Variants in BNIP5 observed in about 807,000 individuals in gnomAD.
BNIP5 encodes the protein protein BNIP5.
A neutral mutation model predicts 67.3 loss-of-function variants in BNIP5; 61 were observed. The observed-to-expected ratio is 0.91, with a 90% confidence interval of 0.74 to 1.12. The LOEUF (loss-of-function observed/expected upper bound fraction) is 1.12. Ranked by LOEUF, BNIP5 falls within the 50% of genes most tolerant of loss-of-function variation. The pLI is 0.00. For synonymous variants in BNIP5, 317 were observed against 319.0 expected (o/e 0.99, Z 0.07); for missense variants, 826 against 816.3 (o/e 1.01, Z -0.14).
At chr6:36,333,297 G>A (rs1045872566) in intron 1 of BNIP5, among the ~76,000 whole-genome samples, 1 of 152,214 alleles carries the variant, frequency 6.6e-6, no homozygotes, top group Non-Finnish European at 1.5e-5. Flanking sequence ...AGGTCGGGGA[G>A]GAGGCAGGCA....
At position 36,330,143 on chromosome 6, in the gene BNIP5, C is replaced by T. The variant is rs1450837051; in HGVS notation, c.548G>A (p.Gly183Glu). ...QDQEARGREE[G>E]LSKAAAALRS... Reference sequence around the variant, plus strand: ...CAAGGCAGCAGCTGCCTTGGACAACCCTTCCTCTCGGCCTCTGGCCTCCTG... The same window carrying T: ...CAAGGCAGCAGCTGCCTTGGACAACTCTTCCTCTCGGCCTCTGGCCTCCTG... Residue 183 changes from glycine to glutamate, a missense_variant, in exon 2 of 12, where the codon GGG becomes GAG. By Grantham distance (98) the Gly-to-Glu change is moderately conservative (BLOSUM62 -2). Coordinates refer to ENST00000437635, the MANE Select transcript of BNIP5 (RefSeq NM_001010903.5). 6.2e-7 allele frequency: 1 copy of T among 1,613,308 alleles called. No individual in the cohort carries two copies. Among genetic ancestry groups the T allele is most frequent in the East Asian group, 2.2e-5 (1 of 44,878 alleles).
Position 36,325,414 on chromosome 6 carries a change from C to T in BNIP5, c.1037G>A (p.Gly346Asp), listed in dbSNP as rs148840710. The part of the protein sequence containing the change: ...GHRPSISSSY[G>D]LEEPKVQEAP... ...CTCCTGGACTTTAGGTTCTTCCAAG[C>T]CTGAGAAGCAGAAGGAGAACGAGGG... Residue 346 changes from glycine (G) to aspartate (D), a missense_variant and splice_region_variant, in exon 6 of 12, where the codon GGC becomes GAC. Physicochemically the swap from Gly to Asp is moderately conservative, Grantham distance 94. Coordinates refer to ENST00000437635, the MANE Select transcript of BNIP5 (RefSeq NM_001010903.5). 37 of 1,608,472 alleles carry T rather than the reference C, an allele frequency of 2.3e-5. No homozygotes were observed. Among genetic ancestry groups the T allele is most frequent in the Admixed American group, 5.1e-5 (3 of 58,528 alleles).
chr6:36,330,629 C>A lies in BNIP5; in HGVS notation c.62G>T (p.Arg21Met), dbSNP rs1230149465. Reference sequence around the variant, plus strand: ...CGAGCCTTTCCCGGGGGCCTGCGGCCTGTCCAGAGACCTGGCTTTCTTCTC... The same window carrying A: ...CGAGCCTTTCCCGGGGGCCTGCGGCATGTCCAGAGACCTGGCTTTCTTCTC... The part of the protein sequence containing the change: ...LAEKKARSLD[R>M]PQAPGKGSES... The change falls in exon 2 of 12, where the codon AGG becomes ATG. Residue 21 changes from arginine to methionine, a missense_variant. Arg to Met is a moderately conservative substitution (Grantham distance 91). Transcript: ENST00000437635. 1 of 1,608,028 alleles carries A rather than the reference C, an allele frequency of 6.2e-7. No homozygotes were observed. The highest frequency in any genetic ancestry group is 1.1e-5 in the South Asian group (1 of 91,060).
chr6:36,321,180 T>A lies in BNIP5; in HGVS notation c.1643A>T (p.Glu548Val), dbSNP rs770619544. 9 of 1,596,936 alleles carry A rather than the reference T, an allele frequency of 5.6e-6. 1 individual carries two copies. In the South Asian group the frequency reaches 1.0e-4, roughly 18 times the overall value. ...CTGCTGCCCCAGTTGGCCATCCACT[T>A]CTTGGAGAAGTGCCACAAGCTTCTG... ...IIQKLVALLQ[E>V]VDGQLGQQIR... Residue 548 changes from glutamate to valine, a missense_variant, in exon 10 of 12, where the codon GAA (glutamate) becomes GTA (valine). Coordinates refer to ENST00000437635, the MANE Select transcript of BNIP5 (RefSeq NM_001010903.5).
At chr6:36,325,862 T>A (rs949645267) in intron 5 of BNIP5, among the ~76,000 whole-genome samples, 4 of 152,338 alleles carry the variant, frequency 2.6e-5, no homozygotes, top group East Asian at 1.9e-4. Context: ...TTCTCCCTGA[T>A]GCCCAGGAAG....
chr6:36,319,820 G>A (rs1241115529), intron 10 of BNIP5, among the ~76,000 whole-genome samples: 1 of 152,188 alleles, frequency 6.6e-6, no homozygotes, highest in East Asian at 1.9e-4. Context: ...GGGCAAGGGT[G>A]GAAGTACAGG....
chr6:36,335,624 G>A (rs1281905655), intron 1 of BNIP5, among the ~76,000 whole-genome samples: 1 of 152,210 alleles, frequency 6.6e-6, no homozygotes, highest in East Asian at 1.9e-4. Context: ...TGATACACAG[G>A]CATGTGCAAA....
At position 36,322,376 on chromosome 6, in the gene BNIP5, G is replaced by A. The variant is rs758032022; in HGVS notation, c.1538C>T (p.Ala513Val). Residue 513 changes from alanine (A) to valine (V), a missense_variant, in exon 9 of 12, where the codon GCA becomes GTA. By Grantham distance (64) the Ala-to-Val change is moderately conservative. Transcript: ENST00000437635. ...AEGEPVVISE[A>V]PSQARGHTPE... ...CGTGTGGCCTCTAGCCTGGGAGGGT[G>A]CTTCTGAGATCACAACTGGCTCCCC... 1.2e-6 allele frequency: 2 copies of A among 1,614,118 alleles called. No individual in the cohort carries two copies. The highest frequency in any genetic ancestry group is 1.7e-6 in the Non-Finnish European group (2 of 1,179,976).
intron 3 of BNIP5, among the ~76,000 whole-genome samples, chr6:36,327,825 T>C (rs1036695744): frequency 1.3e-5 from 2 of 151,566 alleles, no homozygotes; most frequent in Non-Finnish European, 2.9e-5. Flanking sequence ...TCCCAGGCTG[T>C]CTGTGGGTTT....
rs370779060 is a variant in BNIP5 at position 36,328,727 on chromosome 6, C to G, written c.611-13G>C. 2 of 1,522,920 alleles carry G rather than the reference C, an allele frequency of 1.3e-6. No homozygotes were observed. The highest frequency in any genetic ancestry group is 2.2e-5 in the South Asian group (2 of 89,290). The allele number at this position is 1,522,920 out of a possible 1,614,324, so 94.3% of individuals were successfully genotyped here. A position where few individuals can be genotyped will look rare whatever the true frequency, so the allele number is the denominator to read the frequency against. On this transcript the variant is annotated splice_polypyrimidine_tract_variant and intron_variant, in intron 2 of 11. Transcript: ENST00000437635. The stretch of plus-strand genomic sequence containing the variant: ...GAATCTTCCCCACCTGGAATAGAGA[C>G]GAAAGCAAACGGGTATGTAGGTGTG...
rs746761553 is a variant in BNIP5 at position 36,325,313 on chromosome 6, C to A, written c.1138G>T (p.Glu380Ter). 1 of 1,614,174 alleles carries A rather than the reference C, an allele frequency of 6.2e-7. No homozygotes were observed. The highest frequency in any genetic ancestry group is 8.5e-7 in the Non-Finnish European group (1 of 1,180,034). Residue 380 changes from glutamate (E) to a stop codon, truncating the protein, a stop_gained, in exon 6 of 12, where the codon GAG (glutamate) becomes TAG (stop). Coordinates refer to ENST00000437635, the MANE Select transcript of BNIP5 (RefSeq NM_001010903.5). LOFTEE classifies it high-confidence loss of function. ...TCCGAGGCTCTGTCCAGCGGAAGCT[C>A]CTCTCCAGGTTCCTGGCTCTCTGAT... ...TPSESQEPGE[E>*]LPLDRASEYK...
rs757543293 is a variant in BNIP5 at position 36,330,661 on chromosome 6, G to A, written c.30C>T (p.Pro10=). MENPRCPRR[P]LAEKKARSLD... ...GAGACCTGGCTTTCTTCTCCGCCAGGGGCCTCCTTGGGCACCTTGGATTCT... is the reference window on the plus strand; with the variant it reads ...GAGACCTGGCTTTCTTCTCCGCCAGAGGCCTCCTTGGGCACCTTGGATTCT... The change falls in exon 2 of 12, where the codon CCC becomes CCT. Residue 10 remains proline, a synonymous_variant. Coordinates refer to ENST00000437635, the MANE Select transcript of BNIP5 (RefSeq NM_001010903.5). The A allele has an allele frequency of 7.5e-6, 12 of 1,591,550 alleles. No homozygotes were observed. Among genetic ancestry groups the A allele is most frequent in the African/African-American group, 1.3e-5 (1 of 74,384 alleles).
Position 36,326,499 on chromosome 6 carries a change from A to C in BNIP5, c.1036+11T>G. 1 of 1,614,052 alleles carries C rather than the reference A, an allele frequency of 6.2e-7. No homozygotes were observed. Among genetic ancestry groups the C allele is most frequent in the Non-Finnish European group, 8.5e-7 (1 of 1,179,972 alleles). The stretch of plus-strand genomic sequence containing the variant: ...TGCAGGGTTGCTATGGCAACTGCAG[A>C]GCCTGCTCACCATAGCTGCTGGAGA... On this transcript the variant is annotated intron_variant, in intron 5 of 11. Coordinates refer to ENST00000437635, the MANE Select transcript of BNIP5 (RefSeq NM_001010903.5).
chr6:36,334,201 G>T (rs1054527598), intron 1 of BNIP5, among the ~76,000 whole-genome samples: 3 of 152,168 alleles, frequency 2.0e-5, no homozygotes, highest in Non-Finnish European at 4.4e-5. Context: ...AAGCTGCGGT[G>T]ATTTGGCCGC....
intron 1 of BNIP5, among the ~76,000 whole-genome samples, chr6:36,332,088 T>C (rs1007745288): frequency 1.3e-5 from 2 of 152,056 alleles, no homozygotes; most frequent in African/African-American, 4.8e-5. Context: ...TCACTCAAAG[T>C]CTTTAAAGCG....
At chr6:36,321,760 T>C (rs1224159196) in intron 9 of BNIP5, among the ~76,000 whole-genome samples, 1 of 152,156 alleles carries the variant, frequency 6.6e-6, no homozygotes, top group Non-Finnish European at 1.5e-5. Flanking sequence ...CAGGCTGGAG[T>C]GCAGTGGCGC....
Position 36,326,601 on chromosome 6 carries a change from A to T in BNIP5, c.945T>A (p.Asp315Glu), listed in dbSNP as rs771569332. 4 of 1,614,254 alleles carry T rather than the reference A, an allele frequency of 2.5e-6. No homozygotes were observed. The highest frequency in any genetic ancestry group is 2.5e-6 in the Non-Finnish European group (3 of 1,180,048). ...GSEEAKRGAA[D>E]VSSPEAWPPK... The stretch of plus-strand genomic sequence containing the variant: ...GTGGCCAGGCCTCTGGACTGGAAAC[A>T]TCTGCAGCCCCCCTCTTGGCCTCCT... The change falls in exon 5 of 12, where the codon GAT becomes GAA. Residue 315 changes from aspartate to glutamate, a missense_variant. Coordinates refer to ENST00000437635, the MANE Select transcript of BNIP5 (RefSeq NM_001010903.5).
At chr6:36,329,994 A>T in intron 2 of BNIP5, 87 bp downstream of exon 2, 1 of 1,442,920 alleles carries the variant, frequency 6.9e-7, no homozygotes, top group Non-Finnish European at 9.2e-7. Flanking sequence ...AGCTCCCCCG[A>T]CTATCCCTGT....
chr6:36,326,845 A>T, intron 4 of BNIP5, 92 bp from the exon 5 acceptor site: 2 of 1,569,614 alleles, frequency 1.3e-6, no homozygotes, highest in Non-Finnish European at 1.7e-6. Flanking sequence ...AAGCTGCAAG[A>T]TGGCCCCGAG....
Sources: gnomAD v4.1 joint callset for allele counts (sites outside exome capture counted in the v4.1 genomes callset) on GRCh38, gnomAD v4.1.1 for gene constraint, MANE v1.5 for transcripts, NCBI Gene and HGNC (gene_info 2026-07-23, HGNC 2026-07-21) for gene names.